Variants in SPAG16 observed in about 807,000 individuals in gnomAD.
The protein encoded by SPAG16 is sperm-associated antigen 16 protein.
A neutral mutation model predicts 80.4 loss-of-function variants in SPAG16; 86 were observed. The observed-to-expected ratio is 1.07, with a 90% CI of 0.90 to 1.28. SPAG16 has a LOEUF of 1.28. SPAG16 is among the 50% of genes most tolerant of loss of function. SPAG16 has a pLI of 0.00. For missense variants in SPAG16, 870 were observed against 765.3 expected (o/e 1.14, Z -1.61); for synonymous variants, 294 against 265.9 (o/e 1.11, Z -1.03).
At chr2:214,187,872 G>C (rs144196117) in intron 15 of SPAG16, among the ~76,000 whole-genome samples, 2 of 151,848 alleles carry the variant, frequency 1.3e-5, no homozygotes, top group Non-Finnish European at 2.9e-5. Context: ...TTCGGACAAA[G>C]TAGTACTTTG....
At chr2:213,354,063 G>A (rs937209848) in intron 7 of SPAG16, among the ~76,000 whole-genome samples, 1 of 152,148 alleles carries the variant, frequency 6.6e-6, no homozygotes, top group African/African-American at 2.4e-5. Flanking sequence ...AGGCCCTGGT[G>A]TGTGACGCTC....
chr2:213,648,900 A>T (rs1345845039), intron 10 of SPAG16, among the ~76,000 whole-genome samples: 1 of 152,196 alleles, frequency 6.6e-6, no homozygotes, highest in East Asian at 1.9e-4. Flanking sequence ...GGCCACAATG[A>T]AAGGATATGG....
At chr2:213,318,318 C>T (rs1188439336) in intron 5 of SPAG16, among the ~76,000 whole-genome samples, 2 of 151,954 alleles carry the variant, frequency 1.3e-5, no homozygotes, top group African/African-American at 2.4e-5. Flanking sequence ...TACTATTCAG[C>T]CATAAAAATG....
At chr2:213,299,061 G>A (rs1209742044) in intron 3 of SPAG16, among the ~76,000 whole-genome samples, 1 of 151,780 alleles carries the variant, frequency 6.6e-6, no homozygotes, top group African/African-American at 2.4e-5. Flanking sequence ...TCCATTTTTT[G>A]TTCTGATCTT....
intron 4 of SPAG16, among the ~76,000 whole-genome samples, chr2:213,312,123 G>A (rs1381837253): frequency 6.6e-6 from 1 of 151,558 alleles, no homozygotes; most frequent in Non-Finnish European, 1.5e-5. Flanking sequence ...CTCTGTAAAA[G>A]CAAAGTTAAT....
chr2:214,002,343 T>TA (rs1044040359), intron 12 of SPAG16, among the ~76,000 whole-genome samples: 2 of 151,702 alleles, frequency 1.3e-5, no homozygotes, highest in Non-Finnish European at 2.9e-5. Flanking sequence ...TAAAAATAAA[T>TA]AAAAAACAAA....
chr2:213,390,676 C>G (rs1396764722), intron 9 of SPAG16, among the ~76,000 whole-genome samples: 1 of 152,098 alleles, frequency 6.6e-6, no homozygotes, highest in Non-Finnish European at 1.5e-5. Flanking sequence ...TTTGCTCAGG[C>G]AGCAGCTGGT....
intron 15 of SPAG16, among the ~76,000 whole-genome samples, chr2:214,356,727 G>A (rs932114420): frequency 2.6e-5 from 4 of 151,716 alleles, no homozygotes; most frequent in Non-Finnish European, 4.4e-5. Flanking sequence ...TTTATCTCAC[G>A]CCACAGTTTT....
intron 10 of SPAG16, among the ~76,000 whole-genome samples, chr2:213,684,423 A>T (rs2064559769): frequency 6.6e-6 from 1 of 152,046 alleles, no homozygotes; most frequent in Non-Finnish European, 1.5e-5. Context: ...CAACCAGGAA[A>T]ATAGAGGAAA....
At chr2:213,322,163 A>G (rs935402254) in intron 5 of SPAG16, among the ~76,000 whole-genome samples, 1 of 151,532 alleles carries the variant, frequency 6.6e-6, no homozygotes, top group African/African-American at 2.4e-5. Context: ...TTTAGACACT[A>G]TATTCATTCA....
At chr2:214,270,595 T>G (rs1691918226) in intron 15 of SPAG16, among the ~76,000 whole-genome samples, 1 of 152,188 alleles carries the variant, frequency 6.6e-6, no homozygotes, top group Non-Finnish European at 1.5e-5. Context: ...CTATGGCTTC[T>G]ATATTCTCAT....
chr2:214,304,781 T>C (rs2125963706), intron 15 of SPAG16, among the ~76,000 whole-genome samples: 1 of 152,328 alleles, frequency 6.6e-6, no homozygotes, highest in East Asian at 1.9e-4. Flanking sequence ...TTATCATTGA[T>C]GGGCATTTAG....
At chr2:214,231,326 T>A (rs1688688834) in intron 15 of SPAG16, among the ~76,000 whole-genome samples, 1 of 152,024 alleles carries the variant, frequency 6.6e-6, no homozygotes, top group South Asian at 2.1e-4. Context: ...TAAATGCATG[T>A]CTATTATGAC....
intron 10 of SPAG16, among the ~76,000 whole-genome samples, chr2:213,609,553 C>A (rs1223228399): frequency 6.6e-6 from 1 of 152,158 alleles, no homozygotes; most frequent in Non-Finnish European, 1.5e-5. Flanking sequence ...TCATGAACAG[C>A]AATCTATTGA....
intron 10 of SPAG16, among the ~76,000 whole-genome samples, chr2:213,616,836 A>G (rs1367727401): frequency 1.3e-5 from 2 of 152,216 alleles, no homozygotes; most frequent in Non-Finnish European, 2.9e-5. Flanking sequence ...TTAAACAAAC[A>G]GGAATTTACT....
chr2:214,283,421 T>C (rs1023829934), intron 15 of SPAG16, among the ~76,000 whole-genome samples: 13 of 152,214 alleles, frequency 8.5e-5, no homozygotes, highest in African/African-American at 3.1e-4. Context: ...ATATTCCCAC[T>C]CCTTTAAATA....
intron 11 of SPAG16, among the ~76,000 whole-genome samples, chr2:213,908,928 C>A (rs2077541376): frequency 1.3e-5 from 2 of 151,806 alleles, no homozygotes; most frequent in African/African-American, 4.8e-5. Context: ...CCCTCCTCCC[C>A]CCCACCACAC....
chr2:214,289,090 T>G (rs1324309704), intron 15 of SPAG16, among the ~76,000 whole-genome samples: 1 of 152,110 alleles, frequency 6.6e-6, no homozygotes, highest in Non-Finnish European at 1.5e-5. Context: ...TTTAATAGGA[T>G]TTTTGTTGTT....
intron 15 of SPAG16, among the ~76,000 whole-genome samples, chr2:214,188,520 A>G (rs143868924): frequency 9.2e-5 from 14 of 152,302 alleles, no homozygotes; most frequent in African/African-American, 3.4e-4. Flanking sequence ...TATTAAACTA[A>G]ATATCTGGAT....
Sources: allele counts gnomAD v4.1 joint callset (sites outside exome capture counted in the v4.1 genomes callset), GRCh38; gene constraint gnomAD v4.1.1; transcripts MANE v1.5; gene names NCBI Gene and HGNC (gene_info 2026-07-23, HGNC 2026-07-21).